The following SRGAP2C variants were observed in gnomAD, a reference collection of about 807,000 sequenced individuals.
The protein encoded by SRGAP2C is SLIT-ROBO Rho GTPase activating protein 2C.
In SRGAP2C, 15 loss-of-function variants were observed where a neutral mutation model predicts 25.1. The ratio of observed to expected loss-of-function variants is 0.60; its 90% confidence interval spans 0.40 to 0.92. The LOEUF (loss-of-function observed/expected upper bound fraction) is 0.92. SRGAP2C is among the 40% of genes least tolerant of loss of function. The probability of loss-of-function intolerance (pLI) is 0.00; values close to 1 mark genes in which losing one functional copy is unlikely to be tolerated. For synonymous variants in SRGAP2C, 44 were observed against 96.6 expected (o/e 0.46, Z 3.19); for missense variants, 144 against 264.4 (o/e 0.54, Z 3.16).
chr1:121,201,938 A>G (rs1490656637), intron 2 of SRGAP2C, among the ~76,000 whole-genome samples: 7 of 152,154 alleles, frequency 4.6e-5, no homozygotes, highest in Admixed American at 4.6e-4. Context: ...ATGTTTGCCT[A>G]GGCCAAGAGT....
rs1292742248 is a variant in SRGAP2C, at chr1:121,298,329, C to T, written c.260+13334C>T. On this transcript the variant is annotated intron_variant, in intron 3 of 9. Transcript: ENST00000367123. ...TTGGAGTTAATAGTTAGCCCTATTG[C>T]CAAATTGCTGAGTTTCTATAAAGAT... is the stretch of plus-strand genomic sequence containing the variant. Among the ~76,000 whole-genome samples, 42 of 151,994 alleles carry T rather than the reference C, an allele frequency of 2.8e-4. 1 individual carries two copies. Among genetic ancestry groups the T allele is most frequent in the African/African-American group, 1.0e-3 (42 of 41,440 alleles).
chr1:121,314,534 G>A (rs1354230749), intron 3 of SRGAP2C, among the ~76,000 whole-genome samples: 1 of 152,024 alleles, frequency 6.6e-6, no homozygotes, highest in Admixed American at 6.6e-5. Context: ...TTTCTGTTCT[G>A]TTTTTTCCCC....
chr1:121,296,351 T>A (rs1438646844), intron 3 of SRGAP2C, among the ~76,000 whole-genome samples: 1 of 143,114 alleles, frequency 7.0e-6, no homozygotes, highest in Non-Finnish European at 1.5e-5. Flanking sequence ...CTTTGTATCA[T>A]CTGTGATACT....
intron 3 of SRGAP2C, among the ~76,000 whole-genome samples, chr1:121,285,528 G>C (rs1464069654): frequency 2.1e-5 from 3 of 145,304 alleles, no homozygotes; most frequent in Admixed American, 1.4e-4. Flanking sequence ...AGAAATAAAT[G>C]ATGTTGAGGC....
rs1658279313 is a variant in SRGAP2C at position 121,324,571 on chromosome 1, C to T, written c.354C>T (p.Asp118=). ...GCAGGGACCATACCACCCTGAGTGACATCTACCTGAATAATATCATTCCTC... is the reference window on the plus strand; with the variant it reads ...GCAGGGACCATACCACCCTGAGTGATATCTACCTGAATAATATCATTCCTC... The part of the protein sequence containing the change: ...WESRDHTTLS[D]IYLNNIIPRF... Residue 118 remains aspartate, a synonymous_variant, in exon 4 of 10, where the codon GAC becomes GAT. Transcript: ENST00000367123. 8 of 1,594,264 alleles carry T rather than the reference C, an allele frequency of 5.0e-6. No homozygotes were observed. The South Asian group carries it at 6.6e-5, about 13-fold the overall frequency.
intron 7 of SRGAP2C, among the ~76,000 whole-genome samples, chr1:121,378,017 A>G (rs1659712280): frequency 6.6e-6 from 1 of 152,096 alleles, no homozygotes; most frequent in Admixed American, 6.5e-5. Flanking sequence ...GAGCCATTGT[A>G]CTATGAACAG....
chr1:121,308,462 A>T (rs1456407860), intron 3 of SRGAP2C, among the ~76,000 whole-genome samples: 1 of 151,102 alleles, frequency 6.6e-6, no homozygotes, highest in Non-Finnish European at 1.5e-5. Context: ...AGAGAATCAG[A>T]TGATAAATTA....
chr1:121,305,846 C>T (rs1657816087), intron 3 of SRGAP2C, among the ~76,000 whole-genome samples: 2 of 146,194 alleles, frequency 1.4e-5, no homozygotes, highest in African/African-American at 5.1e-5. Context: ...GTCCCTGTCC[C>T]CCCATTATAC....
rs587734722 is a variant in SRGAP2C at position 121,379,131 on chromosome 1, A to G, written c.832-3570A>G. Among the ~76,000 whole-genome samples, 807 of 152,352 alleles carry G rather than the reference A, an allele frequency of 5.3e-3. 11 individuals are homozygous for G. The highest frequency in any genetic ancestry group is 0.018 in the African/African-American group (751 of 41,570). ...ATGGAAGGTCTTTGACACCATGTGC[A>G]CCCAAGTCGGACATGAGGGAACTTG... On this transcript the variant is annotated intron_variant, in intron 7 of 9. Transcript: ENST00000367123.
intron 4 of SRGAP2C, among the ~76,000 whole-genome samples, chr1:121,359,533 T>C (rs1175076844): frequency 6.6e-6 from 1 of 152,132 alleles, no homozygotes; most frequent in African/African-American, 2.4e-5. Context: ...CTTGGGAAGC[T>C]GAGGCAGGAG....
chr1:121,193,667 CT>C (rs60707143), intron 2 of SRGAP2C, among the ~76,000 whole-genome samples: 3 of 19,722 alleles, frequency 1.5e-4, no homozygotes, highest in Admixed American at 6.1e-4. Context: ...GTTCTTTTTT[CT>C]TTTTTTTTTT....
chr1:121,378,898 G>T (rs1221226501), intron 7 of SRGAP2C, among the ~76,000 whole-genome samples: 5 of 152,198 alleles, frequency 3.3e-5, no homozygotes, highest in African/African-American at 1.2e-4. Flanking sequence ...TCCACGTGAG[G>T]CATCTGCCAC....
intron 2 of SRGAP2C, among the ~76,000 whole-genome samples, chr1:121,225,830 G>A (rs149145086): frequency 0.6 from 81,206 of 135,486 alleles, 24,535 homozygotes; most frequent in East Asian, 0.78. Flanking sequence ...TCAGCCTCCC[G>A]AGTAGCTGGG....
chr1:121,283,709 TGAAA>T (rs1175157521), intron 2 of SRGAP2C, among the ~76,000 whole-genome samples: 3 of 149,858 alleles, frequency 2.0e-5, no homozygotes, highest in African/African-American at 7.3e-5. Context: ...AGGGAAAAGA[TGAAA>T]GAAATGGCTC....
chr1:121,204,313 G>C (rs587698247), intron 2 of SRGAP2C, among the ~76,000 whole-genome samples: 11 of 151,580 alleles, frequency 7.3e-5, no homozygotes, highest in African/African-American at 2.2e-4. Context: ...CAAGAAACTG[G>C]CATAATATAT....
At chr1:121,269,520 G>C (rs587774739) in intron 2 of SRGAP2C, among the ~76,000 whole-genome samples, 3 of 141,326 alleles carry the variant, frequency 2.1e-5, no homozygotes, top group Non-Finnish European at 3.1e-5. Context: ...GGAGGGGAAG[G>C]CTCTGGATTT....
intron 2 of SRGAP2C, among the ~76,000 whole-genome samples, chr1:121,282,718 C>T (rs1206455923): frequency 2.2e-5 from 2 of 89,014 alleles, no homozygotes; most frequent in South Asian, 2.9e-4. Context: ...CCATGCCTGG[C>T]TAATTTTTTT....
chr1:121,238,549 A>G (rs587716488), intron 2 of SRGAP2C, among the ~76,000 whole-genome samples: 304 of 152,194 alleles, frequency 2.0e-3, no homozygotes, highest in Non-Finnish European at 2.7e-3. Context: ...TTTGTATCTT[A>G]AAGCCAGTGG....
At position 121,284,980 on chromosome 1, in the gene SRGAP2C, A is replaced by C. The variant is rs1657327038; in HGVS notation, c.245A>C (p.Lys82Thr). Residue 82 changes from lysine to threonine, a missense_variant, in exon 3 of 10, where the codon AAG becomes ACG. Coordinates refer to ENST00000367123, the MANE Select transcript of SRGAP2C (RefSeq NM_001329984.2). ...EHFLAKTRST[K>T]DQQFKKDQNV... ...TTCCTGGCCAAGACACGCAGCACCA[A>C]GGACCAGCAATTCAAGTAGGGGCTC... 1.3e-6 allele frequency: 2 copies of C among 1,528,476 alleles called. No homozygotes were observed. The highest frequency in any genetic ancestry group is 2.8e-5 in the African/African-American group (2 of 71,948). The allele number at this position is 1,528,476 out of a possible 1,614,324, so 94.7% of individuals were successfully genotyped here.
Sources: allele counts gnomAD v4.1 joint callset (sites outside exome capture counted in the v4.1 genomes callset), GRCh38; gene constraint gnomAD v4.1.1; transcripts MANE v1.5; gene names NCBI Gene and HGNC (gene_info 2026-07-23, HGNC 2026-07-21).